ATXN2: variants seen among roughly 807,000 people sequenced by gnomAD.
The protein encoded by ATXN2 is ataxin 2, also known as ataxin-2.
A neutral mutation model predicts 138.6 loss-of-function variants in ATXN2; 37 were observed. The observed-to-expected ratio is 0.27, with a 90% CI of 0.21 to 0.35. The LOEUF (loss-of-function observed/expected upper bound fraction) is 0.35. ATXN2 is among the 10% of genes least tolerant of loss of function. The probability of loss-of-function intolerance (pLI) is 1.00; values close to 1 mark genes in which losing one functional copy is unlikely to be tolerated. For synonymous variants in ATXN2, 549 were observed against 543.7 expected (o/e 1.01, Z -0.13); for missense variants, 1,216 against 1,480.3 (o/e 0.82, Z 2.93).
intron 14 of ATXN2, among the ~76,000 whole-genome samples, chr12:111,489,212 G>GA (rs1232646397): frequency 6.6e-6 from 1 of 152,206 alleles, no homozygotes; most frequent in Non-Finnish European, 1.5e-5. Flanking sequence ...TCTAAGGTGT[G>GA]AAAGAAGTTT....
chr12:111,531,744 T>C (rs1217078494), intron 5 of ATXN2, among the ~76,000 whole-genome samples: 1 of 152,144 alleles, frequency 6.6e-6, no homozygotes, highest in East Asian at 1.9e-4. Context: ...CTCCTCAGGC[T>C]AGAATGGGGT....
chr12:111,457,507 T>C, intron 21 of ATXN2, 148 bp from the exon 22 acceptor site: 1 of 864,950 alleles, frequency 1.2e-6, no homozygotes, highest in Non-Finnish European at 1.7e-6. Flanking sequence ...ATTTAAACCA[T>C]CCATTGTCTT....
intron 1 of ATXN2, among the ~76,000 whole-genome samples, chr12:111,569,133 G>A (rs1883178961): frequency 6.6e-6 from 1 of 152,096 alleles, no homozygotes; most frequent in Non-Finnish European, 1.5e-5. Context: ...ATTCACACAA[G>A]AACTAATATC....
chr12:111,485,846 G>A lies in ATXN2; in HGVS notation c.2324C>T (p.Pro775Leu). 1 of 1,614,028 alleles carries A rather than the reference G, an allele frequency of 6.2e-7. No homozygotes were observed. The highest frequency in any genetic ancestry group is 8.5e-7 in the Non-Finnish European group (1 of 1,179,964). ...TTGTGCTTGAGGCCGAGGTGAAGTT[G>A]GGGTAGTAGAAGGCTTTGGCTACAA... is the stretch of plus-strand genomic sequence containing the variant. ...SFSQPKPSTT[P>L]TSPRPQAQPS... The change falls in exon 17 of 25, where the codon CCA becomes CTA. Residue 775 changes from proline (P) to leucine (L), a missense_variant. This residue lies in a region of ATXN2 where 490 missense variants were observed against 653.5 expected (regional missense o/e 0.75). Coordinates refer to ENST00000673436, the MANE Select transcript of ATXN2 (RefSeq NM_001372574.1).
intron 6 of ATXN2, 76 bp from the exon 7 acceptor site, chr12:111,521,049 T>C (rs1566039825): frequency 1.1e-6 from 1 of 894,942 alleles, no homozygotes; most frequent in Non-Finnish European, 1.7e-6. Context: ...CCAACATCTA[T>C]ATTAACAATA....
intron 10 of ATXN2, among the ~76,000 whole-genome samples, chr12:111,513,830 T>G (rs1258624151): frequency 6.6e-6 from 1 of 152,110 alleles, no homozygotes; most frequent in East Asian, 1.9e-4. Flanking sequence ...AACAATAAGA[T>G]GTCAACTCTT....
intron 1 of ATXN2, among the ~76,000 whole-genome samples, chr12:111,564,337 T>C (rs1367866188): frequency 1.3e-5 from 2 of 152,020 alleles, no homozygotes; most frequent in South Asian, 2.1e-4. Context: ...AAAAGAAAGT[T>C]AAAACTTTCC....
chr12:111,464,101 T>C (rs894367401), intron 21 of ATXN2, among the ~76,000 whole-genome samples: 3 of 152,156 alleles, frequency 2.0e-5, no homozygotes, highest in African/African-American at 7.2e-5. Context: ...CCTGAGTATT[T>C]TAAACCTTTA....
intron 18 of ATXN2, among the ~76,000 whole-genome samples, chr12:111,478,435 A>C (rs879268746): frequency 1.3e-5 from 2 of 152,070 alleles, no homozygotes; most frequent in Admixed American, 1.3e-4. Flanking sequence ...AAATGGAAAA[A>C]AGATTTGAAC....
intron 6 of ATXN2, among the ~76,000 whole-genome samples, chr12:111,524,248 C>A (rs916978028): frequency 3.9e-5 from 6 of 152,174 alleles, no homozygotes; most frequent in African/African-American, 1.4e-4. Context: ...CAAAGTAGGA[C>A]ATTTCAGGCT....
chr12:111,456,632 C>G (rs1875122499), intron 22 of ATXN2, among the ~76,000 whole-genome samples: 1 of 152,186 alleles, frequency 6.6e-6, no homozygotes. Flanking sequence ...TAAAAAGTCC[C>G]AAGCAAATAG....
chr12:111,582,106 AGAG>A (rs1884038285), intron 1 of ATXN2, among the ~76,000 whole-genome samples: 1 of 152,258 alleles, frequency 6.6e-6, no homozygotes, highest in Admixed American at 6.6e-5. Context: ...GGCCAAGGCA[AGAG>A]GAGTACTTGA....
chr12:111,498,646 A>G (rs1878574779), intron 14 of ATXN2, among the ~76,000 whole-genome samples: 1 of 152,232 alleles, frequency 6.6e-6, no homozygotes, highest in African/African-American at 2.4e-5. Context: ...TACTCAAAGC[A>G]ATCTACAGAT....
Position 111,518,350 on chromosome 12 carries a change from C to T in ATXN2, c.1064G>A (p.Arg355His), listed in dbSNP as rs376446808. 8 of 1,613,328 alleles carry T rather than the reference C, an allele frequency of 5.0e-6. No homozygotes were observed. Among genetic ancestry groups the T allele is most frequent in the East Asian group, 2.2e-5 (1 of 44,894 alleles). ...SWGSGRQNSP[R>H]MGQPGSGSMP... ...GGAGCCCGATCCAGGCTGGCCCATA[C>T]GCGGTGAATTCTGTCTCCCACTTCC... Residue 355 changes from arginine to histidine, a missense_variant, in exon 9 of 25, where the codon CGT becomes CAT. By Grantham distance (29) the Arg-to-His change is conservative. Coordinates refer to ENST00000673436, the MANE Select transcript of ATXN2 (RefSeq NM_001372574.1).
Position 111,513,386 on chromosome 12 carries a change from C to G in ATXN2, c.1529G>C (p.Gly510Ala), listed in dbSNP as rs780822553. ...TPPVARTSPS[G>A]GTWSSVVSGV... The stretch of plus-strand genomic sequence containing the variant: ...ACTGACCACTGATGACCACGTTCCC[C>G]CCGAGGGACTGGTCCTTGCTACTGG... Residue 510 changes from glycine (G) to alanine (A), a missense_variant, in exon 11 of 25, where the codon GGG (glycine) becomes GCG (alanine). Physicochemically the swap from Gly to Ala is moderately conservative, Grantham distance 60. Transcript: ENST00000673436. 1 of 1,613,746 alleles carries G rather than the reference C, an allele frequency of 6.2e-7. No homozygotes were observed. Among genetic ancestry groups the G allele is most frequent in the East Asian group, 2.2e-5 (1 of 44,862 alleles).
chr12:111,599,388 C>A, upstream of ATXN2: 1 of 1,157,796 alleles, frequency 8.6e-7, no homozygotes. Flanking sequence ...GCCGCGCCAC[C>A]GCCGCCCCGC....
intron 9 of ATXN2, 91 bp downstream of exon 9, chr12:111,518,154 ACATT>A: frequency 8.9e-7 from 1 of 1,129,390 alleles, no homozygotes; most frequent in Non-Finnish European, 1.2e-6. Flanking sequence ...ATTAAAGTGC[ACATT>A]CATATCAGTT....
At chr12:111,561,964 A>C (rs2135799117) in intron 1 of ATXN2, among the ~76,000 whole-genome samples, 1 of 151,782 alleles carries the variant, frequency 6.6e-6, no homozygotes, top group South Asian at 2.1e-4. Context: ...GGCGTGTGCC[A>C]CCATGCCCAG....
At position 111,485,349 on chromosome 12, in the gene ATXN2, A is replaced by T; in HGVS notation, c.2458-18T>A. On this transcript the variant is annotated intron_variant, in intron 17 of 24. Coordinates refer to ENST00000673436, the MANE Select transcript of ATXN2 (RefSeq NM_001372574.1). ...TATAAAGGCTTGAGAGAATTAAAAA[A>T]AAAATTAACATTAGGCACCTATGAT... 6.3e-7 allele frequency: 1 copy of T among 1,599,956 alleles called. No individual in the cohort carries two copies. Among genetic ancestry groups the T allele is most frequent in the Non-Finnish European group, 8.5e-7 (1 of 1,169,690 alleles).
Sources: gnomAD v4.1 joint callset for allele counts (sites outside exome capture counted in the v4.1 genomes callset) on GRCh38, gnomAD v4.1.1 for gene constraint, gnomAD v4.1.1 regional missense constraint, MANE v1.5 for transcripts, NCBI Gene and HGNC (gene_info 2026-07-23, HGNC 2026-07-21) for gene names.